The following SLC35D1 variants were observed in gnomAD, a reference collection of about 807,000 sequenced individuals.
SLC35D1 encodes the protein solute carrier family 35 member D1.
In SLC35D1, 31 loss-of-function variants were observed where a neutral mutation model predicts 46.7. The observed-to-expected ratio is 0.66, with a 90% CI of 0.50 to 0.90. The LOEUF is 0.90. SLC35D1 is among the 40% of genes least tolerant of loss of function. The probability of loss-of-function intolerance (pLI) is 0.00; values close to 1 mark genes in which losing one functional copy is unlikely to be tolerated. For missense variants in SLC35D1, 397 were observed against 426.2 expected (o/e 0.93, Z 0.60); for synonymous variants, 195 against 164.6 (o/e 1.18, Z -1.41).
At chr1:67,028,319 G>A (rs750209722) in intron 8 of SLC35D1, among the ~76,000 whole-genome samples, 2 of 152,210 alleles carry the variant, frequency 1.3e-5, no homozygotes, top group Non-Finnish European at 2.9e-5. Flanking sequence ...TGCTGTTGTT[G>A]AGTGGATTGT....
the SLC35D1 span, chr1:66,985,834 TTTTA>T: frequency 5.2e-3 from 4,062 of 776,006 alleles, 5 homozygotes; most frequent in Middle Eastern, 0.012. Context: ...TTTTTTTTTT[TTTTA>T]AATTTCTACT....
chr1:67,013,171 C>CATATGTATATATATATATATATA (rs1484938863), intron 10 of SLC35D1, among the ~76,000 whole-genome samples: 4 of 5,874 alleles, frequency 6.8e-4, no homozygotes, highest in African/African-American at 1.3e-3. Flanking sequence ...TATATATATC[C>CATATGTATATATATATATATATA]TGTTCTTAAA....
rs11208991 is a variant in SLC35D1 at position 67,021,391 on chromosome 1, T to C, written c.797+144A>G. 7,413 of 876,812 alleles carry C rather than the reference T, an allele frequency of 8.5e-3. 357 individuals are homozygous for C. In the African/African-American group the frequency reaches 0.11, roughly 13 times the overall value. The allele number at this position is 876,812 out of a possible 1,614,324, so 54.3% of individuals were successfully genotyped here. ...GCCCTAAGAGCACATTCCCAAGAGCTATGAAACCACCTGAATCTGGAGGCT... is the reference window on the plus strand; with the variant it reads ...GCCCTAAGAGCACATTCCCAAGAGCCATGAAACCACCTGAATCTGGAGGCT... On this transcript the variant is annotated intron_variant, in intron 9 of 11. Transcript: ENST00000235345.
intron 9 of SLC35D1, among the ~76,000 whole-genome samples, chr1:67,021,122 C>A (rs573542062): frequency 2.0e-5 from 3 of 152,184 alleles, no homozygotes; most frequent in Non-Finnish European, 2.9e-5. Flanking sequence ...TTAACCTCTA[C>A]ATATTCTCTC....
chr1:67,047,967 T>TA (rs1386413317), intron 6 of SLC35D1, among the ~76,000 whole-genome samples: 21 of 152,256 alleles, frequency 1.4e-4, no homozygotes, highest in African/African-American at 5.1e-4. Context: ...TTCTGGAACT[T>TA]AGAGTACCAG....
At chr1:67,042,813 T>C (rs993205070) in intron 7 of SLC35D1, among the ~76,000 whole-genome samples, 3 of 152,168 alleles carry the variant, frequency 2.0e-5, no homozygotes, top group Admixed American at 2.0e-4. Context: ...CCTGTAAACT[T>C]AGCACTTTGG....
intron 8 of SLC35D1, among the ~76,000 whole-genome samples, chr1:67,026,675 T>C (rs1667920342): frequency 6.6e-6 from 1 of 152,200 alleles, no homozygotes; most frequent in Admixed American, 6.5e-5. Context: ...AGGCTTATGA[T>C]TAATTTCAAT....
At chr1:67,048,304 GT>G in intron 6 of SLC35D1, among the ~76,000 whole-genome samples, 3 of 152,312 alleles carry the variant, frequency 2.0e-5, no homozygotes, top group African/African-American at 7.2e-5. Context: ...CTTTTCAGAA[GT>G]TTTTGTAGAC....
chr1:66,983,474 A>G, the SLC35D1 span, among the ~76,000 whole-genome samples: 1 of 150,512 alleles, frequency 6.6e-6, no homozygotes, highest in Non-Finnish European at 1.5e-5. Context: ...TGCACCCTAT[A>G]TTTTACTTCT....
the SLC35D1 span, among the ~76,000 whole-genome samples, chr1:66,989,555 T>C: frequency 3.3e-5 from 5 of 152,110 alleles, no homozygotes; most frequent in Admixed American, 2.6e-4. Context: ...CTTGACCTCC[T>C]TGGGCGCAGG....
chr1:67,029,137 C>G (rs1570626419), intron 8 of SLC35D1, among the ~76,000 whole-genome samples: 1 of 152,182 alleles, frequency 6.6e-6, no homozygotes, highest in South Asian at 2.1e-4. Context: ...GAAGCTTTCA[C>G]AAAAACCTAA....
At position 67,007,670 on chromosome 1, in the gene SLC35D1, C is replaced by G. The variant is rs865862089; in HGVS notation, c.959+1415G>C. Among the ~76,000 whole-genome samples the G allele has an allele frequency of 2.0e-5, 3 of 152,202 alleles. No homozygotes were observed. In the Middle Eastern group the frequency reaches 0.01, roughly 518 times the overall value. ...ATCAACGAGCATACTATGTGTTACG[C>G]AGTGATGAGTAAACGCTTTGGAAAG... On this transcript the variant is annotated intron_variant, in intron 11 of 11. Transcript: ENST00000235345.
intron 8 of SLC35D1, among the ~76,000 whole-genome samples, chr1:67,021,937 C>T (rs1235978232): frequency 6.6e-6 from 1 of 152,164 alleles, no homozygotes; most frequent in African/African-American, 2.4e-5. Context: ...AAGGCACAAG[C>T]CACATTTGGC....
the SLC35D1 span, among the ~76,000 whole-genome samples, chr1:66,982,965 GCAGA>G: frequency 6.6e-6 from 1 of 152,224 alleles, no homozygotes; most frequent in Non-Finnish European, 1.5e-5. Flanking sequence ...CTCAAGGGAG[GCAGA>G]CAGTTGGTAC....
At chr1:66,988,628 A>C in the SLC35D1 span, 1 of 152,376 alleles carries the variant, frequency 6.6e-6, no homozygotes, top group East Asian at 1.9e-4. Context: ...GCTCTTGAGT[A>C]AGAAGTAATT....
At chr1:67,030,069 T>C (rs917091665) in intron 8 of SLC35D1, among the ~76,000 whole-genome samples, 1 of 151,870 alleles carries the variant, frequency 6.6e-6, no homozygotes, top group East Asian at 1.9e-4. Context: ...AATTAGGCAA[T>C]GGAAAGGTTA....
At chr1:67,014,148 T>C (rs1226849009) in intron 10 of SLC35D1, among the ~76,000 whole-genome samples, 1 of 152,186 alleles carries the variant, frequency 6.6e-6, no homozygotes, top group Non-Finnish European at 1.5e-5. Context: ...GACTAAATTT[T>C]ACAATGCCCC....
intron 8 of SLC35D1, among the ~76,000 whole-genome samples, chr1:67,026,754 G>C (rs6700982): frequency 7.2e-5 from 11 of 151,998 alleles, no homozygotes; most frequent in Non-Finnish European, 1.2e-4. Flanking sequence ...CTGAGACTGG[G>C]TAATTTATAA....
the SLC35D1 span, among the ~76,000 whole-genome samples, chr1:66,990,434 T>A: frequency 3.9e-5 from 6 of 152,026 alleles, no homozygotes; most frequent in African/African-American, 1.2e-4. Context: ...CACCACGCCC[T>A]AATTTTTATT....
Sources: gnomAD v4.1 joint callset for allele counts (sites outside exome capture counted in the v4.1 genomes callset) on GRCh38, gnomAD v4.1.1 for gene constraint, MANE v1.5 for transcripts, NCBI Gene and HGNC (gene_info 2026-07-23, HGNC 2026-07-21) for gene names.